Variants in ATXN1 observed in about 807,000 individuals in gnomAD.
The protein encoded by ATXN1 is ataxin 1.
Under a neutral mutation model 56.4 loss-of-function variants are expected in ATXN1, and 8 were observed. The ratio of observed to expected loss-of-function variants is 0.14; its 90% CI spans 0.08 to 0.26. The LOEUF (loss-of-function observed/expected upper bound fraction) is 0.26. ATXN1 is among the 10% of genes least tolerant of loss of function. ATXN1 has a pLI of 1.00. For missense variants in ATXN1, 987 were observed against 1,106.5 expected (o/e 0.89, Z 1.53); for synonymous variants, 514 against 494.6 (o/e 1.04, Z -0.52).
chr6:16,641,759 T>C (rs922553373), intron 3 of ATXN1, among the ~76,000 whole-genome samples: 7 of 152,322 alleles, frequency 4.6e-5, no homozygotes, highest in African/African-American at 1.7e-4. Flanking sequence ...AAGGCTATCA[T>C]TGCCACAGAA....
intron 2 of ATXN1, among the ~76,000 whole-genome samples, chr6:16,730,487 G>GTATATATATATATATATATA (rs4052880): frequency 7.6e-6 from 1 of 132,054 alleles, no homozygotes; most frequent in African/African-American, 2.7e-5. Context: ...AAAACAGTAT[G>GTATATATATATATATATATA]TATATATATA....
intron 4 of ATXN1, among the ~76,000 whole-genome samples, chr6:16,572,458 C>A (rs566794309): frequency 6.6e-6 from 1 of 152,236 alleles, no homozygotes; most frequent in East Asian, 1.9e-4. Flanking sequence ...GCCCCTGAAC[C>A]GCAAGGCCAT....
intron 2 of ATXN1, among the ~76,000 whole-genome samples, chr6:16,726,306 G>C (rs1459558682): frequency 6.6e-6 from 1 of 151,746 alleles, no homozygotes; most frequent in East Asian, 1.9e-4. Flanking sequence ...CTGGAACCCG[G>C]GGGAGCAGAG....
intron 6 of ATXN1, among the ~76,000 whole-genome samples, chr6:16,387,579 T>C (rs1425995728): frequency 6.6e-6 from 1 of 152,140 alleles, no homozygotes; most frequent in East Asian, 1.9e-4. Context: ...GGAAACATTG[T>C]TGGGATGAGT....
At chr6:16,463,862 T>C (rs1272368955) in intron 6 of ATXN1, among the ~76,000 whole-genome samples, 1 of 152,188 alleles carries the variant, frequency 6.6e-6, no homozygotes, top group Non-Finnish European at 1.5e-5. Flanking sequence ...CAAATTTGTT[T>C]CCTCCAGGAT....
intron 6 of ATXN1, among the ~76,000 whole-genome samples, chr6:16,333,763 C>T (rs780470144): frequency 1.2e-4 from 18 of 152,302 alleles, no homozygotes; most frequent in Non-Finnish European, 2.4e-4. Context: ...GTTACTTGGG[C>T]ATGTCAAGGA....
At chr6:16,623,608 C>CA (rs1763357008) in intron 3 of ATXN1, among the ~76,000 whole-genome samples, 1 of 152,132 alleles carries the variant, frequency 6.6e-6, no homozygotes, top group South Asian at 2.1e-4. Context: ...TAAATTAAAG[C>CA]AAACATGCTT....
At chr6:16,500,752 AAAAAAAAAC>A in intron 5 of ATXN1, among the ~76,000 whole-genome samples, 1 of 151,510 alleles carries the variant, frequency 6.6e-6, no homozygotes, top group Admixed American at 6.6e-5. Flanking sequence ...AAAAAAAAAA[AAAAAAAAAC>A]ATTGAGGAAA....
At chr6:16,321,018 AATCACTTTCTCAGGGCCCGAGCC>A (rs1327741268) in intron 7 of ATXN1, among the ~76,000 whole-genome samples, 5 of 152,194 alleles carry the variant, frequency 3.3e-5, no homozygotes, top group African/African-American at 9.7e-5. Flanking sequence ...TTCAGCTGTG[AATCACTTTCTCAGGGCCCGAGCC>A]ATCTAAGTTG....
intron 2 of ATXN1, among the ~76,000 whole-genome samples, chr6:16,664,125 G>A (rs1271175699): frequency 2.6e-5 from 4 of 152,136 alleles, no homozygotes; most frequent in South Asian, 2.1e-4. Flanking sequence ...ATTTTGTGGG[G>A]ATGAAATTAC....
intron 4 of ATXN1, among the ~76,000 whole-genome samples, chr6:16,525,312 T>C (rs1300195639): frequency 7.2e-5 from 11 of 152,166 alleles, no homozygotes; most frequent in Admixed American, 7.2e-4. Context: ...AAGTATAGTA[T>C]ATACACACAA....
At chr6:16,480,836 A>T (rs769716695) in intron 6 of ATXN1, among the ~76,000 whole-genome samples, 2 of 151,828 alleles carry the variant, frequency 1.3e-5, no homozygotes, top group Non-Finnish European at 2.9e-5. Context: ...TGAGAGGAGG[A>T]GCTGAGTACT....
At chr6:16,582,325 T>C (rs1425854448) in intron 4 of ATXN1, among the ~76,000 whole-genome samples, 1 of 152,238 alleles carries the variant, frequency 6.6e-6, no homozygotes, top group African/African-American at 2.4e-5. Flanking sequence ...GGCCAGTCTT[T>C]TGTCAATCTT....
At chr6:16,705,072 C>CT (rs1024051427) in intron 2 of ATXN1, among the ~76,000 whole-genome samples, 1 of 152,218 alleles carries the variant, frequency 6.6e-6, no homozygotes, top group African/African-American at 2.4e-5. Context: ...ATCCTAGAGT[C>CT]TCTGTGACAG....
intron 3 of ATXN1, among the ~76,000 whole-genome samples, chr6:16,591,359 T>G (rs1225754530): frequency 6.6e-6 from 1 of 152,192 alleles, no homozygotes; most frequent in Non-Finnish European, 1.5e-5. Context: ...AAGTATATGG[T>G]TCTTTGCAAC....
rs1173414490 is a variant in ATXN1 at position 16,648,172 on chromosome 6, T to A, written c.-489+9604A>T. ...ATTTCAGGACTAGTTCACTTCTCTT[T>A]TATATCCTTCCTCATTGAAGCTACT... On this transcript the variant is annotated intron_variant, in intron 3 of 7. Coordinates refer to ENST00000436367, the MANE Select transcript of ATXN1 (RefSeq NM_001128164.2). 3.3e-5 allele frequency among the ~76,000 whole-genome samples: 5 copies of A among 152,214 alleles called. No individual in the cohort carries two copies. The East Asian group carries it at 9.6e-4, about 29-fold the overall frequency.
chr6:16,650,936 A>G (rs1763881540), intron 3 of ATXN1, among the ~76,000 whole-genome samples: 1 of 152,240 alleles, frequency 6.6e-6, no homozygotes, highest in Non-Finnish European at 1.5e-5. Flanking sequence ...CTGATTTGCA[A>G]ATAGTTCTTT....
intron 4 of ATXN1, among the ~76,000 whole-genome samples, chr6:16,535,729 T>C (rs1036259115): frequency 1.1e-4 from 16 of 152,150 alleles, no homozygotes; most frequent in African/African-American, 3.1e-4. Context: ...TAGTACAGTA[T>C]GGAAAAGGGT....
At chr6:16,510,250 G>C (rs1761058524) in intron 5 of ATXN1, among the ~76,000 whole-genome samples, 1 of 152,098 alleles carries the variant, frequency 6.6e-6, no homozygotes, top group Non-Finnish European at 1.5e-5. Context: ...CAGCATCTCA[G>C]GCCCTATCTC....
Sources: gnomAD v4.1 joint callset for allele counts (sites outside exome capture counted in the v4.1 genomes callset) on GRCh38, gnomAD v4.1.1 for gene constraint, MANE v1.5 for transcripts, NCBI Gene and HGNC (gene_info 2026-07-23, HGNC 2026-07-21) for gene names.